Variants in CARM1 observed in about 807,000 individuals in gnomAD.
CARM1 encodes the protein coactivator associated arginine methyltransferase 1, also known as histone-arginine methyltransferase CARM1.
A neutral mutation model predicts 72.7 loss-of-function variants in CARM1; 14 were observed. That is an observed-to-expected ratio of 0.19 (90% CI 0.13 to 0.30). CARM1 has a LOEUF of 0.30. Ranked by LOEUF, CARM1 falls within the 10% of genes least tolerant of loss-of-function variation. The pLI, the probability that CARM1 is intolerant of heterozygous loss-of-function variation, is 1.00. For missense variants in CARM1, 432 were observed against 833.7 expected, an observed-to-expected ratio of 0.52 and a Z score of 5.93; for synonymous variants, 333 against 345.5, an observed-to-expected ratio of 0.96 and a Z score of 0.40.
Position 10,920,782 on chromosome 19 carries a change from C to G in CARM1, c.1424+34C>G, listed in dbSNP as rs760141505. On this transcript the variant is annotated intron_variant, in intron 12 of 15. Transcript: ENST00000327064. The surrounding 1 kb of genome is among the most constrained non-coding windows in gnomAD (Gnocchi z 5.3). The stretch of plus-strand genomic sequence containing the variant: ...GGCCCCTTGCCTGCACAGGGGGGCG[C>G]CCCGGCCCTGCAACCCCCTTGCCCC... The G allele has an allele frequency of 1.2e-6, 2 of 1,613,426 alleles. No individual in the cohort carries two copies. Among genetic ancestry groups the G allele is most frequent in the African/African-American group, 2.7e-5 (2 of 74,918 alleles).
At chr19:10,899,033 G>GTT (rs34563725) in intron 1 of CARM1, among the ~76,000 whole-genome samples, 2,765 of 117,364 alleles carry the variant, frequency 0.024, 97 homozygotes, top group African/African-American at 0.074. Context: ...GGCTTAGCTT[G>GTT]TTTTTTTTTT....
rs2073818213 is a variant in CARM1, at chr19:10,871,663, CGCA to C, written c.-37_-35del. On this transcript the variant is annotated 5_prime_UTR_variant, in exon 1 of 16. Coordinates refer to ENST00000327064, the MANE Select transcript of CARM1 (RefSeq NM_199141.2). The surrounding 1 kb of genome is among the most constrained non-coding windows in gnomAD (Gnocchi z 5.6). Reference sequence around the variant, plus strand: ...GCAGCGGCGGCGGCCTGGGCCCGGGCGCAGCGGCGGCGGCGGCGGGGCCTGGAG... The same window carrying C: ...GCAGCGGCGGCGGCCTGGGCCCGGGCGCGGCGGCGGCGGCGGGGCCTGGAG... 1 of 473,120 alleles carries C rather than the reference CGCA, an allele frequency of 2.1e-6. No individual in the cohort carries two copies. The allele number at this position is 473,120 out of a possible 1,614,324, so 29.3% of individuals were successfully genotyped here. A position where few individuals can be genotyped will look rare whatever the true frequency, so the allele number is the denominator to read the frequency against.
At chr19:10,892,951 T>C (rs1366745310) in intron 1 of CARM1, among the ~76,000 whole-genome samples, 1 of 152,120 alleles carries the variant, frequency 6.6e-6, no homozygotes, top group Admixed American at 6.6e-5. Context: ...GCCAGGCTGG[T>C]CTCAAACTCC....
At chr19:10,905,708 C>T (rs1452070355) in intron 2 of CARM1, among the ~76,000 whole-genome samples, 1 of 152,124 alleles carries the variant, frequency 6.6e-6, no homozygotes, top group Non-Finnish European at 1.5e-5. Flanking sequence ...GCCCATGAGC[C>T]ACTGCCGGCC....
In CARM1 at chr19:10,882,155, G is replaced by T. The variant is rs1247505909; in HGVS notation, c.220+10233G>T. On this transcript the variant is annotated intron_variant, in intron 1 of 15. Transcript: ENST00000327064. ...ATCTTGACATCGTCTACCCTAGAGG[G>T]TTGTTGTGAGTGGCGAGCTGATAGA... Among the ~76,000 whole-genome samples the T allele has an allele frequency of 2.0e-5, 3 of 152,172 alleles. No homozygotes were observed. The South Asian group carries it at 6.2e-4, about 32-fold the overall frequency.
intron 1 of CARM1, among the ~76,000 whole-genome samples, chr19:10,890,265 G>GTT (rs71164129): frequency 3.0e-4 from 43 of 144,554 alleles, no homozygotes; most frequent in African/African-American, 1.0e-3. Context: ...TTTTTGTTTT[G>GTT]TTTGTTTTTT....
Position 10,916,335 on chromosome 19 carries a change from C to T in CARM1, c.848-72C>T. 1.9e-6 allele frequency: 2 copies of T among 1,038,832 alleles called. No individual in the cohort carries two copies. The highest frequency in any genetic ancestry group is 2.6e-5 in the South Asian group (2 of 76,880). 64.4% of individuals were successfully genotyped at this position (1,038,832 alleles called of 1,614,324 possible). On this transcript the variant is annotated intron_variant, in intron 6 of 15. Transcript: ENST00000327064. This position sits in a 1 kb window ranked among gnomAD's most constrained non-coding sequence, Gnocchi z 4.4. ...CACCCAGGGTTGGGGGTCTTGGGGT[C>T]CTTTGGAAGCTCTGCCAGGCAGTGT... is the stretch of plus-strand genomic sequence containing the variant.
At chr19:10,883,217 C>T (rs1048045372) in intron 1 of CARM1, among the ~76,000 whole-genome samples, 4 of 152,134 alleles carry the variant, frequency 2.6e-5, no homozygotes, top group Non-Finnish European at 5.9e-5. Flanking sequence ...TGGCCCACAC[C>T]CAACATAGGT....
intron 1 of CARM1, among the ~76,000 whole-genome samples, chr19:10,883,144 G>A (rs536591500): frequency 6.6e-6 from 1 of 152,226 alleles, no homozygotes; most frequent in Non-Finnish European, 1.5e-5. Flanking sequence ...TTGGGACCTT[G>A]TCCAGGGAAC....
In CARM1 at chr19:10,908,693, C is replaced by T. The variant is rs547100136; in HGVS notation, c.454-410C>T. 2.7e-5 allele frequency: 5 copies of T among 187,562 alleles called. No individual in the cohort carries two copies. In the South Asian group the frequency reaches 2.8e-4, roughly 11 times the overall value. The allele number at this position is 187,562 out of a possible 1,614,324, so 11.6% of individuals were successfully genotyped here. On this transcript the variant is annotated intron_variant, in intron 3 of 15. Coordinates refer to ENST00000327064, the MANE Select transcript of CARM1 (RefSeq NM_199141.2). ...GGTGCCACGCTGCCTCCCGATCGCC[C>T]GTTGTCTTACAGAGAGACACCACAC... is the stretch of plus-strand genomic sequence containing the variant.
In CARM1 at chr19:10,920,088, G is replaced by A. The variant is rs1213261877; in HGVS notation, c.1196+122G>A. Reference sequence around the variant, plus strand: ...CCACCATCCCTTCCAATGGGAGTGAGAGCCTGTCTCGGAGCAAGAGACTGT... The same window carrying A: ...CCACCATCCCTTCCAATGGGAGTGAAAGCCTGTCTCGGAGCAAGAGACTGT... On this transcript the variant is annotated intron_variant, in intron 10 of 15. Coordinates refer to ENST00000327064, the MANE Select transcript of CARM1 (RefSeq NM_199141.2). This position sits in a 1 kb window ranked among gnomAD's most constrained non-coding sequence, Gnocchi z 5.3. The A allele has an allele frequency of 1.3e-6, 1 of 775,556 alleles. No homozygotes were observed. Among genetic ancestry groups the A allele is most frequent in the East Asian group, 2.6e-5 (1 of 38,556 alleles). The allele number at this position is 775,556 out of a possible 1,614,324, so 48.0% of individuals were successfully genotyped here.
intron 1 of CARM1, among the ~76,000 whole-genome samples, chr19:10,889,315 AT>A (rs1229574072): frequency 0.023 from 3,119 of 138,316 alleles, 84 homozygotes; most frequent in African/African-American, 0.067. Flanking sequence ...CAATTTGAGA[AT>A]TTTTTTTTTT....
chr19:10,886,375 T>G (rs368232231), intron 1 of CARM1, among the ~76,000 whole-genome samples: 28 of 152,150 alleles, frequency 1.8e-4, no homozygotes, highest in African/African-American at 6.5e-4. Context: ...TTGTATTTCT[T>G]GTAGAGACGG....
At chr19:10,877,127 C>A (rs537221789) in intron 1 of CARM1, among the ~76,000 whole-genome samples, 2 of 152,104 alleles carry the variant, frequency 1.3e-5, no homozygotes, top group Admixed American at 6.6e-5. Flanking sequence ...TGGGATCCCC[C>A]TGACAGCTGG....
In CARM1 at chr19:10,915,674, A is replaced by T. The variant is rs533632729; in HGVS notation, c.848-733A>T. On this transcript the variant is annotated intron_variant, in intron 6 of 15. Transcript: ENST00000327064. This position sits in a 1 kb window ranked among gnomAD's most constrained non-coding sequence, Gnocchi z 4.6. ...AAGGAGGAGGCAGAGTCCCACTGAT[A>T]CCTCAGGATCTCCTCCCCCAGCTTG... Among the ~76,000 whole-genome samples the T allele has an allele frequency of 5.9e-5, 9 of 151,900 alleles. 1 individual carries two copies. Among genetic ancestry groups the T allele is most frequent in the South Asian group, 4.2e-4 (2 of 4,810 alleles).
chr19:10,883,516 A>G (rs1041540674), intron 1 of CARM1, among the ~76,000 whole-genome samples: 6 of 152,186 alleles, frequency 3.9e-5, no homozygotes, highest in African/African-American at 1.4e-4. Context: ...AGCAGCCTCC[A>G]GATCTGCCCA....
chr19:10,876,614 T>A (rs2073866672), intron 1 of CARM1, among the ~76,000 whole-genome samples: 1 of 152,244 alleles, frequency 6.6e-6, no homozygotes, highest in Non-Finnish European at 1.5e-5. Context: ...AGTTACTTCT[T>A]GCCATCTGAA....
chr19:10,905,594 G>A (rs1282385359), intron 2 of CARM1, among the ~76,000 whole-genome samples: 1 of 152,160 alleles, frequency 6.6e-6, no homozygotes, highest in African/African-American at 2.4e-5. Flanking sequence ...GGCTGGAGAT[G>A]GTCTGAAGGT....
intron 1 of CARM1, among the ~76,000 whole-genome samples, chr19:10,886,741 G>C (rs1366067024): frequency 6.6e-6 from 1 of 152,018 alleles, no homozygotes; most frequent in Non-Finnish European, 1.5e-5. Flanking sequence ...TGAGGCAGGA[G>C]AATCACTTGA....
Sources: gnomAD v4.1 joint callset for allele counts (sites outside exome capture counted in the v4.1 genomes callset) on GRCh38, gnomAD v4.1.1 for gene constraint, Gnocchi (gnomAD v3.1) non-coding constraint, MANE v1.5 for transcripts, NCBI Gene and HGNC (gene_info 2026-07-23, HGNC 2026-07-21) for gene names.